COL5A3: variants seen among roughly 807,000 people sequenced by gnomAD.
COL5A3 encodes the protein collagen type V alpha 3 chain.
A neutral mutation model predicts 250.0 loss-of-function variants in COL5A3; 172 were observed. That is an observed-to-expected ratio of 0.69 (90% CI 0.61 to 0.78). The LOEUF is 0.78. Ranked by LOEUF, COL5A3 falls within the 30% of genes least tolerant of loss-of-function variation. The pLI, the probability that COL5A3 is intolerant of heterozygous loss-of-function variation, is 0.00. For missense variants in COL5A3, 2,340 were observed against 2,334.4 expected (o/e 1.00, Z -0.05); for synonymous variants, 937 against 900.4 (o/e 1.04, Z -0.73).
At chr19:9,976,660 G>C in intron 44 of COL5A3, 49 bp from the exon 45 acceptor site, 1 of 1,450,088 alleles carries the variant, frequency 6.9e-7, no homozygotes, top group Non-Finnish European at 9.4e-7. Flanking sequence ...TTTAAGATTA[G>C]AGAGGGCACT....
At chr19:9,986,464 T>G in intron 29 of COL5A3, 42 bp from the exon 30 acceptor site, 2 of 1,610,276 alleles carry the variant, frequency 1.2e-6, no homozygotes, top group Non-Finnish European at 1.7e-6. Flanking sequence ...TCTTTTGTCC[T>G]TCCTGCTCTG....
intron 31 of COL5A3, among the ~76,000 whole-genome samples, chr19:9,984,609 C>T (rs934494958): frequency 6.6e-6 from 1 of 152,024 alleles, no homozygotes; most frequent in Non-Finnish European, 1.5e-5. Flanking sequence ...ATAAAAGGAT[C>T]CTACAGTTTT....
intron 8 of COL5A3, 86 bp downstream of exon 8, chr19:10,001,438 C>T (rs2087359192): frequency 3.5e-5 from 48 of 1,382,950 alleles, no homozygotes; most frequent in East Asian, 9.9e-5. Flanking sequence ...GGAGCCACTG[C>T]GCCCTGCCTA....
At chr19:9,990,439 A>G (rs901603921) in intron 24 of COL5A3, among the ~76,000 whole-genome samples, 2 of 151,838 alleles carry the variant, frequency 1.3e-5, no homozygotes, top group Non-Finnish European at 2.9e-5. Context: ...TGTTTGTAAC[A>G]CAAAGAATAA....
At position 9,960,697 on chromosome 19, in the gene COL5A3, T is replaced by G. The variant is rs373751696; in HGVS notation, c.5045A>C (p.Asn1682Thr). Residue 1682 changes from asparagine to threonine, a missense_variant, in exon 66 of 67, where the codon AAC becomes ACC. Asn to Thr is a moderately conservative substitution (Grantham distance 65). Coordinates refer to ENST00000264828, the MANE Select transcript of COL5A3 (RefSeq NM_015719.4). ...LGTNGEELSF[N>T]QTTAATVSVP... ...GCTGACAGTGGCTGCTGTCGTCTGG[T>G]TGAAAGACAGCTCCTCTCCATTGGT... 1 of 1,613,966 alleles carries G rather than the reference T, an allele frequency of 6.2e-7. No homozygotes were observed. Among genetic ancestry groups the G allele is most frequent in the Non-Finnish European group, 8.5e-7 (1 of 1,180,014 alleles).
At chr19:10,007,623 A>G (rs945885410) in intron 1 of COL5A3, among the ~76,000 whole-genome samples, 1 of 151,680 alleles carries the variant, frequency 6.6e-6, no homozygotes, top group African/African-American at 2.4e-5. Flanking sequence ...TCTTGGCGGG[A>G]GCTGGATTCT....
Position 9,998,690 on chromosome 19 carries a change from CT to C in COL5A3, c.1111-542del, listed in dbSNP as rs112231822. ...TCTTTCCTTCTTCTTTTTCTTTCTT[CT>C]TTTTTTTTTTTTAAATGGAGTCTTG... On this transcript the variant is annotated intron_variant, in intron 8 of 66. Coordinates refer to ENST00000264828, the MANE Select transcript of COL5A3 (RefSeq NM_015719.4). Among the ~76,000 whole-genome samples, 759 of 144,444 alleles carry C rather than the reference CT, an allele frequency of 5.3e-3. 3 individuals are homozygous for C. The highest frequency in any genetic ancestry group is 8.3e-3 in the African/African-American group (328 of 39,740). 94.8% of individuals were successfully genotyped at this position (144,444 alleles called of 152,430 possible). A position where few individuals can be genotyped will look rare whatever the true frequency, so the allele number is the denominator to read the frequency against.
chr19:9,973,085 G>C, intron 50 of COL5A3, 59 bp from the exon 51 acceptor site: 4 of 1,443,832 alleles, frequency 2.8e-6, no homozygotes, highest in Non-Finnish European at 2.8e-6. Flanking sequence ...TCAAGGATTA[G>C]CATACTTGGA....
chr19:9,981,882 T>C (rs748783450), intron 32 of COL5A3, among the ~76,000 whole-genome samples, 183 bp downstream of exon 32: 10 of 152,380 alleles, frequency 6.6e-5, no homozygotes, highest in Middle Eastern at 3.4e-3. Context: ...ACAGTCATAT[T>C]CATGATAATA....
chr19:10,010,453 G>C lies in COL5A3; in HGVS notation c.-68C>G. The C allele has an allele frequency of 1.9e-6, 2 of 1,074,098 alleles. No individual in the cohort carries two copies. The highest frequency in any genetic ancestry group is 3.3e-4 in the Middle Eastern group (1 of 3,000). The allele number at this position is 1,074,098 out of a possible 1,614,324, so 66.5% of individuals were successfully genotyped here. On this transcript the variant is annotated 5_prime_UTR_variant, in exon 1 of 67. Coordinates refer to ENST00000264828, the MANE Select transcript of COL5A3 (RefSeq NM_015719.4). Reference sequence around the variant, plus strand: ...GCTGCGGGGCGCGGCGACTTCTCGGGCTCGGTGCAGTCACTCGCGGCGGCC... The same window carrying C: ...GCTGCGGGGCGCGGCGACTTCTCGGCCTCGGTGCAGTCACTCGCGGCGGCC...
chr19:9,993,172 G>A (rs749448780), intron 19 of COL5A3, 105 bp from the exon 20 acceptor site: 7 of 1,286,154 alleles, frequency 5.4e-6, no homozygotes, highest in Admixed American at 1.9e-5. Flanking sequence ...ATTAGACCAG[G>A]ATCCCTGGGA....
At chr19:9,974,986 C>T (rs1464720500) in intron 45 of COL5A3, among the ~76,000 whole-genome samples, 1 of 152,044 alleles carries the variant, frequency 6.6e-6, no homozygotes, top group Non-Finnish European at 1.5e-5. Flanking sequence ...CAACCTCTGC[C>T]TCCCTGGTTC....
At chr19:9,978,850 T>A in intron 40 of COL5A3, 41 bp downstream of exon 40, 5 of 1,187,634 alleles carry the variant, frequency 4.2e-6, no homozygotes, top group Non-Finnish European at 5.7e-6. Flanking sequence ...CATCCTTTCC[T>A]TCTCTAAGGG....
At chr19:9,960,597 G>A (rs2086659102) in intron 66 of COL5A3, 40 bp from the exon 67 acceptor site, 2 of 1,613,606 alleles carry the variant, frequency 1.2e-6, no homozygotes, top group Non-Finnish European at 1.7e-6. Flanking sequence ...TTACCGGGAA[G>A]GTGGCCGACA....
chr19:9,981,123 C>G lies in COL5A3; in HGVS notation c.2470G>C (p.Gly824Arg). The G allele has an allele frequency of 6.2e-7, 1 of 1,614,002 alleles. No homozygotes were observed. Among genetic ancestry groups the G allele is most frequent in the South Asian group, 1.1e-5 (1 of 91,084 alleles). The change falls in exon 33 of 67, where the codon GGG (glycine) becomes CGG (arginine). Residue 824 changes from glycine to arginine, a missense_variant. Gly to Arg is a moderately radical substitution (Grantham distance 125). Transcript: ENST00000264828. ...CGCTCTCCTTCCAGGCCTGGCTGCC[C>G]TGTCTTTCCCTGAAAATGAATTGTA... The part of the protein sequence containing the change: ...IGEKGKSGKT[G>R]QPGLEGERGP...
At chr19:9,973,884 T>A in intron 48 of COL5A3, 35 bp downstream of exon 48, 2 of 1,598,380 alleles carry the variant, frequency 1.3e-6, no homozygotes, top group South Asian at 2.2e-5. Flanking sequence ...GTTGTCCCCA[T>A]CTCTGAGCCT....
At position 9,992,720 on chromosome 19, in the gene COL5A3, A is replaced by T. The variant is rs2087211808; in HGVS notation, c.1848+107T>A. 16 of 1,097,778 alleles carry T rather than the reference A, an allele frequency of 1.5e-5. No homozygotes were observed. In the South Asian group the frequency reaches 2.2e-4, roughly 15 times the overall value. 68.0% of individuals were successfully genotyped at this position (1,097,778 alleles called of 1,614,324 possible). ...TGAACCCAGGAGCCGGAGGTTGCAG[A>T]GAGCTGAGATCTCGCCACCGCACTC... On this transcript the variant is annotated intron_variant, in intron 21 of 66. Transcript: ENST00000264828.
chr19:9,966,755 A>AG lies in COL5A3; in HGVS notation c.4459-10dup, dbSNP rs1260745243. ...AGCTCGGCAGGGGCACCCTGGGCGT[A>AG]GGGGATGGGGACGGAGAAGAGAGGG... On this transcript the variant is annotated splice_polypyrimidine_tract_variant and intron_variant, in intron 62 of 66. Transcript: ENST00000264828. 18 of 1,516,404 alleles carry AG rather than the reference A, an allele frequency of 1.2e-5. No homozygotes were observed. Among genetic ancestry groups the AG allele is most frequent in the Non-Finnish European group, 1.6e-5 (18 of 1,133,034 alleles). 93.9% of individuals were successfully genotyped at this position (1,516,404 alleles called of 1,614,324 possible).
At chr19:9,987,697 T>C (rs571679240) in intron 27 of COL5A3, among the ~76,000 whole-genome samples, 24 of 150,872 alleles carry the variant, frequency 1.6e-4, no homozygotes, top group African/African-American at 4.9e-4. Context: ...CTGCAGTGAG[T>C]GAACTGTGAT....
Sources: allele counts gnomAD v4.1 joint callset (sites outside exome capture counted in the v4.1 genomes callset), GRCh38; gene constraint gnomAD v4.1.1; transcripts MANE v1.5; gene names NCBI Gene and HGNC (gene_info 2026-07-23, HGNC 2026-07-21).